The following PRKG1 variants were observed in gnomAD, a reference collection of about 807,000 sequenced individuals.
PRKG1 encodes cGMP-dependent protein kinase 1.
Under a neutral mutation model 88.1 loss-of-function variants are expected in PRKG1, and 35 were observed. That is an observed-to-expected ratio of 0.40 (90% confidence interval 0.30 to 0.53). The LOEUF (loss-of-function observed/expected upper bound fraction) is 0.53. Among genes scored for constraint, PRKG1 ranks in the 20% least tolerant of loss-of-function variants. The pLI is 0.59. For synonymous variants in PRKG1, 303 were observed against 292.5 expected (o/e 1.04, Z -0.37); for missense variants, 540 against 839.8 (o/e 0.64, Z 4.41).
intron 1 of PRKG1, among the ~76,000 whole-genome samples, chr10:51,143,122 C>T (rs889162091): frequency 1.3e-5 from 2 of 152,046 alleles, no homozygotes; most frequent in African/African-American, 4.8e-5. Flanking sequence ...CCAACATCTC[C>T]TAACACCTTT....
intron 7 of PRKG1, chr10:52,125,775 A>T (rs1262140660): frequency 6.6e-6 from 1 of 152,208 alleles, no homozygotes; most frequent in Non-Finnish European, 1.5e-5. Flanking sequence ...CAACCTCACC[A>T]TATGACCTTT....
At chr10:51,427,833 A>T (rs1838635275) in intron 2 of PRKG1, among the ~76,000 whole-genome samples, 1 of 152,202 alleles carries the variant, frequency 6.6e-6, no homozygotes, top group Admixed American at 6.5e-5. Context: ...ACTCAATTGG[A>T]TCCTCTTTTC....
chr10:52,200,379 AG>A (rs1267506751), intron 9 of PRKG1, among the ~76,000 whole-genome samples: 1 of 152,150 alleles, frequency 6.6e-6, no homozygotes, highest in African/African-American at 2.4e-5. Context: ...GCTGTTGCAA[AG>A]GACATGATCT....
intron 7 of PRKG1, among the ~76,000 whole-genome samples, chr10:52,081,018 T>A (rs906845785): frequency 3.9e-5 from 6 of 152,212 alleles, no homozygotes; most frequent in Admixed American, 1.3e-4. Context: ...CTTCTCCCTG[T>A]GTTCAGTCCG....
At chr10:51,827,738 T>C (rs917520426) in intron 4 of PRKG1, among the ~76,000 whole-genome samples, 4 of 152,098 alleles carry the variant, frequency 2.6e-5, no homozygotes, top group Non-Finnish European at 4.4e-5. Context: ...ACTGGAAAAA[T>C]GCCATCTTAT....
intron 2 of PRKG1, among the ~76,000 whole-genome samples, chr10:51,289,856 G>A (rs111488632): frequency 1.2e-3 from 178 of 152,232 alleles, no homozygotes; most frequent in African/African-American, 4.2e-3. Context: ...GGCCTTAAGG[G>A]TGCTTTAACT....
At chr10:51,283,293 A>T (rs1467037095) in intron 2 of PRKG1, among the ~76,000 whole-genome samples, 2 of 152,130 alleles carry the variant, frequency 1.3e-5, no homozygotes, top group Non-Finnish European at 2.9e-5. Context: ...TGTGAGATGA[A>T]AAAAAGCCTA....
intron 5 of PRKG1, among the ~76,000 whole-genome samples, chr10:51,912,769 C>A (rs916327971): frequency 3.3e-5 from 5 of 151,958 alleles, no homozygotes; most frequent in African/African-American, 1.2e-4. Context: ...ATGGCCCACC[C>A]CAGCCCCCAC....
At chr10:51,168,428 A>G (rs1846607917) in intron 2 of PRKG1, among the ~76,000 whole-genome samples, 1 of 152,158 alleles carries the variant, frequency 6.6e-6, no homozygotes, top group Non-Finnish European at 1.5e-5. Flanking sequence ...TGTATTATTT[A>G]ACATGTAATA....
intron 5 of PRKG1, among the ~76,000 whole-genome samples, chr10:51,946,253 G>A (rs142259313): frequency 0.024 from 3,630 of 151,936 alleles, 176 homozygotes; most frequent in African/African-American, 0.079. Context: ...TGATCGCATC[G>A]GCTCCTGAGC....
intron 2 of PRKG1, among the ~76,000 whole-genome samples, chr10:51,323,842 A>G (rs1841514654): frequency 6.6e-6 from 1 of 152,148 alleles, no homozygotes. Context: ...AGTCCCAGCT[A>G]CTCAGGAGGC....
rs941238324 is a variant in PRKG1, at chr10:52,035,582, A to G, written c.763-18902A>G. On this transcript the variant is annotated intron_variant, in intron 5 of 17. Coordinates refer to ENST00000373980, the MANE Select transcript of PRKG1 (RefSeq NM_006258.4). ...TTTGGGGAAATGGGGTGAATGTCAG[A>G]TGGATCAGAGAGATACAGTCATGGG... Among the ~76,000 whole-genome samples the G allele has an allele frequency of 1.7e-3, 259 of 152,208 alleles. 1 individual carries two copies. The highest frequency in any genetic ancestry group is 5.8e-3 in the African/African-American group (239 of 41,504).
intron 7 of PRKG1, among the ~76,000 whole-genome samples, chr10:52,091,408 C>G (rs1425807536): frequency 6.6e-6 from 1 of 152,098 alleles, no homozygotes; most frequent in African/African-American, 2.4e-5. Context: ...TATAACGTAA[C>G]CCAATAGTGG....
intron 9 of PRKG1, among the ~76,000 whole-genome samples, chr10:52,212,464 T>G (rs113949887): frequency 2.0e-5 from 3 of 152,150 alleles, no homozygotes; most frequent in Admixed American, 6.6e-5. Context: ...ATCACAAACT[T>G]TAACACCTCC....
chr10:51,556,101 A>C (rs1258031012), intron 3 of PRKG1, among the ~76,000 whole-genome samples: 1 of 151,998 alleles, frequency 6.6e-6, no homozygotes, highest in Non-Finnish European at 1.5e-5. Flanking sequence ...GATTTCAAAA[A>C]CTGTAACCCT....
At chr10:51,489,752 T>A (rs1840656674) in intron 3 of PRKG1, among the ~76,000 whole-genome samples, 1 of 151,940 alleles carries the variant, frequency 6.6e-6, no homozygotes, top group Admixed American at 6.6e-5. Context: ...GGATGGAGGG[T>A]AGGGAACAAA....
rs1426116359 is a variant in PRKG1, at chr10:51,688,555, A to G, written c.593-116030A>G. On this transcript the variant is annotated intron_variant, in intron 3 of 17. Coordinates refer to ENST00000373980, the MANE Select transcript of PRKG1 (RefSeq NM_006258.4). ...TTGACCTGCTTTGTCTAAAATTGCC[A>G]GTAACAATCCTTTTTTTTTTTTTTT... is the stretch of plus-strand genomic sequence containing the variant. Among the ~76,000 whole-genome samples, 6 of 137,066 alleles carry G rather than the reference A, an allele frequency of 4.4e-5. No homozygotes were observed. In the Admixed American group the frequency reaches 4.9e-4, roughly 11 times the overall value. The allele number at this position is 137,066 out of a possible 152,430, so 89.9% of individuals were successfully genotyped here. A position where few individuals can be genotyped will look rare whatever the true frequency, so the allele number is the denominator to read the frequency against.
At chr10:51,950,117 C>T (rs1843149009) in intron 5 of PRKG1, among the ~76,000 whole-genome samples, 1 of 152,208 alleles carries the variant, frequency 6.6e-6, no homozygotes, top group Non-Finnish European at 1.5e-5. Flanking sequence ...ACATCCTTCA[C>T]ATTCATGAAA....
intron 7 of PRKG1, among the ~76,000 whole-genome samples, chr10:52,067,562 G>A (rs1193677873): frequency 6.6e-6 from 1 of 152,062 alleles, no homozygotes; most frequent in African/African-American, 2.4e-5. Flanking sequence ...TTATTTTCTT[G>A]TTGGATGGAG....
Sources: gnomAD v4.1 joint callset for allele counts (sites outside exome capture counted in the v4.1 genomes callset) on GRCh38, gnomAD v4.1.1 for gene constraint, MANE v1.5 for transcripts, NCBI Gene and HGNC (gene_info 2026-07-23, HGNC 2026-07-21) for gene names.